OR9Q1: variants seen among roughly 807,000 people sequenced by gnomAD.
The protein encoded by OR9Q1 is olfactory receptor family 9 subfamily Q member 1.
For synonymous variants in OR9Q1, 153 were observed against 148.6 expected (o/e 1.03, Z -0.22); for missense variants, 374 against 378.8 (o/e 0.99, Z 0.11).
chr11:58,092,329 TA>T (rs1184172414), intron 2 of OR9Q1, among the ~76,000 whole-genome samples: 2 of 21,594 alleles, frequency 9.3e-5, no homozygotes, highest in South Asian at 3.9e-3. Context: ...TTCTTAATTC[TA>T]ATTTTTTTTT....
intron 1 of OR9Q1, among the ~76,000 whole-genome samples, chr11:58,025,199 G>A (rs1359587932): frequency 6.6e-6 from 1 of 152,136 alleles, no homozygotes; most frequent in Non-Finnish European, 1.5e-5. Flanking sequence ...TTTTGAGACG[G>A]AGTCTTGCCC....
chr11:58,093,096 A>G (rs193289001), intron 2 of OR9Q1, among the ~76,000 whole-genome samples: 1 of 152,290 alleles, frequency 6.6e-6, no homozygotes. Context: ...TATAGCTTCT[A>G]TTTTGATGGA....
chr11:58,074,519 G>A (rs1055538785), intron 2 of OR9Q1, among the ~76,000 whole-genome samples: 1 of 150,816 alleles, frequency 6.6e-6, no homozygotes. Context: ...TTTGTCGGAT[G>A]GATAGATTGC....
intron 2 of OR9Q1, among the ~76,000 whole-genome samples, chr11:58,159,465 A>AAG: frequency 6.6e-6 from 1 of 151,958 alleles, no homozygotes; most frequent in East Asian, 1.9e-4. Context: ...AAAAAAAAAA[A>AAG]CAGTCATTAG....
chr11:58,072,928 C>A, intron 2 of OR9Q1: 2 of 161,558 alleles, frequency 1.2e-5, no homozygotes, highest in South Asian at 3.8e-4. Flanking sequence ...TCATATTTGT[C>A]AAAATGTATT....
intron 2 of OR9Q1, among the ~76,000 whole-genome samples, chr11:58,146,564 TAATC>T (rs1036217639): frequency 2.0e-5 from 3 of 152,328 alleles, no homozygotes; most frequent in Admixed American, 6.5e-5. Flanking sequence ...GGGATATAGA[TAATC>T]AACCATTGCA....
intron 2 of OR9Q1, among the ~76,000 whole-genome samples, chr11:58,122,653 A>G (rs933814498): frequency 1.3e-5 from 2 of 152,146 alleles, no homozygotes; most frequent in African/African-American, 4.8e-5. Context: ...TTTACTCCTC[A>G]GTTCCTGATA....
intron 2 of OR9Q1, among the ~76,000 whole-genome samples, chr11:58,143,541 C>A (rs1854270678): frequency 6.6e-6 from 1 of 152,234 alleles, no homozygotes; most frequent in South Asian, 2.1e-4. Flanking sequence ...CACTTTACTT[C>A]TTTTGCCCTC....
At chr11:58,164,874 A>G (rs1854487068) in intron 2 of OR9Q1, among the ~76,000 whole-genome samples, 1 of 152,096 alleles carries the variant, frequency 6.6e-6, no homozygotes, top group African/African-American at 2.4e-5. Flanking sequence ...GAGCCCTTGC[A>G]TTTGCTGTTC....
intron 2 of OR9Q1, among the ~76,000 whole-genome samples, chr11:58,096,370 GAC>G (rs1853731923): frequency 6.6e-6 from 1 of 152,070 alleles, no homozygotes; most frequent in Non-Finnish European, 1.5e-5. Context: ...TCCCTGTCCA[GAC>G]AATCATTCTT....
chr11:58,109,010 A>G (rs779967006), intron 2 of OR9Q1: 7 of 437,648 alleles, frequency 1.6e-5, no homozygotes, highest in Non-Finnish European at 9.2e-6. Flanking sequence ...ATGAGCATGT[A>G]GCAGATCAGG....
At chr11:58,076,407 G>A (rs1440582290) in intron 2 of OR9Q1, among the ~76,000 whole-genome samples, 2 of 152,118 alleles carry the variant, frequency 1.3e-5, no homozygotes, top group Admixed American at 6.6e-5. Flanking sequence ...GCATAGCTGT[G>A]GTGCCCATTT....
Position 58,179,948 on chromosome 11 carries a change from C to A in OR9Q1, c.504C>A (p.Phe168Leu). The A allele has an allele frequency of 6.2e-7, 1 of 1,614,020 alleles. No homozygotes were observed. The highest frequency in any genetic ancestry group is 1.3e-5 in the African/African-American group (1 of 75,058). ...CAGTCTCAGCCTTCACTCTCTCCTTCTGTGGAACCAGTGAGATTGACTTTA... is the reference window on the plus strand; with the variant it reads ...CAGTCTCAGCCTTCACTCTCTCCTTATGTGGAACCAGTGAGATTGACTTTA... Reference protein sequence around the residue: ...VRTVSAFTLSFCGTSEIDFIF... With the variant: ...VRTVSAFTLSLCGTSEIDFIF... The change falls in exon 3 of 3, where the codon TTC becomes TTA. Residue 168 changes from phenylalanine (F) to leucine (L), a missense_variant. Coordinates refer to ENST00000335397, the MANE Select transcript of OR9Q1 (RefSeq NM_001005212.4).
intron 1 of OR9Q1, among the ~76,000 whole-genome samples, chr11:58,025,964 A>T (rs1459818891): frequency 6.6e-6 from 1 of 151,796 alleles, no homozygotes; most frequent in African/African-American, 2.4e-5. Flanking sequence ...CCCCACCCTC[A>T]GTGTGATTTA....
At chr11:58,069,748 G>C (rs561598842) in intron 2 of OR9Q1, among the ~76,000 whole-genome samples, 4 of 151,822 alleles carry the variant, frequency 2.6e-5, no homozygotes, top group African/African-American at 9.7e-5. Flanking sequence ...GTACATGCCT[G>C]TAGTCCTAGC....
At chr11:58,092,983 A>G (rs1853698175) in intron 2 of OR9Q1, among the ~76,000 whole-genome samples, 1 of 152,066 alleles carries the variant, frequency 6.6e-6, no homozygotes, top group South Asian at 2.1e-4. Flanking sequence ...TTTATTGTTT[A>G]TTTTTGTTTT....
chr11:58,037,699 T>TATATAG (rs1853120817), intron 1 of OR9Q1, among the ~76,000 whole-genome samples: 1 of 7,126 alleles, frequency 1.4e-4, no homozygotes, highest in Non-Finnish European at 2.4e-4. Context: ...ATTTTTTTTT[T>TATATAG]TTTTTTTTTT....
At chr11:58,151,852 T>A (rs1854355822) in intron 2 of OR9Q1, among the ~76,000 whole-genome samples, 1 of 152,118 alleles carries the variant, frequency 6.6e-6, no homozygotes, top group Non-Finnish European at 1.5e-5. Context: ...TTACTCAGTC[T>A]CTCCAGTTGC....
intron 2 of OR9Q1, among the ~76,000 whole-genome samples, chr11:58,058,940 G>A (rs1193964956): frequency 1.3e-5 from 2 of 152,200 alleles, no homozygotes; most frequent in Admixed American, 6.5e-5. Flanking sequence ...GGGGCGCTGA[G>A]ATCCATGGCT....
Sources: gnomAD v4.1 joint callset for allele counts (sites outside exome capture counted in the v4.1 genomes callset) on GRCh38, gnomAD v4.1.1 for gene constraint, MANE v1.5 for transcripts, NCBI Gene and HGNC (gene_info 2026-07-23, HGNC 2026-07-21) for gene names.